STK33: variants seen among roughly 807,000 people sequenced by gnomAD.
STK33 encodes the protein serine/threonine kinase 33.
Under a neutral mutation model 58.0 loss-of-function variants are expected in STK33, and 52 were observed. The ratio of observed to expected loss-of-function variants is 0.90; its 90% CI spans 0.72 to 1.13. The LOEUF (loss-of-function observed/expected upper bound fraction) is 1.13, where lower values mean the gene tolerates loss of function less well. Among genes scored for constraint, STK33 ranks in the 50% most tolerant of loss-of-function variants. The pLI, the probability that STK33 is intolerant of heterozygous loss-of-function variation, is 0.00. For synonymous variants in STK33, 215 were observed against 200.1 expected, an observed-to-expected ratio of 1.07 and a Z score of -0.63; for missense variants, 630 against 604.2, an observed-to-expected ratio of 1.04 and a Z score of -0.45.
intron 14 of STK33, among the ~76,000 whole-genome samples, chr11:8,420,672 A>T (rs1360573388): frequency 1.3e-5 from 2 of 152,182 alleles, no homozygotes; most frequent in Non-Finnish European, 2.9e-5. Context: ...TTTGTTTTGT[A>T]TATATTTTTT....
chr11:8,362,368 G>A, the STK33 span, among the ~76,000 whole-genome samples: 1 of 152,144 alleles, frequency 6.6e-6, no homozygotes, highest in Non-Finnish European at 1.5e-5. Flanking sequence ...TTTGGCGCCC[G>A]GAATGCTCCA....
chr11:8,528,315 T>C (rs971284245), intron 1 of STK33, among the ~76,000 whole-genome samples: 3 of 152,224 alleles, frequency 2.0e-5, no homozygotes, highest in African/African-American at 7.2e-5. Context: ...TCCTTCACCA[T>C]TATCCTCATA....
At chr11:8,431,020 C>T (rs924076962) in intron 14 of STK33, among the ~76,000 whole-genome samples, 1 of 152,036 alleles carries the variant, frequency 6.6e-6, no homozygotes, top group African/African-American at 2.4e-5. Flanking sequence ...GCACCCGCCA[C>T]CACGCCTGGC....
chr11:8,430,496 CA>C lies in STK33; in HGVS notation c.1146+4997del, dbSNP rs534698091. The stretch of plus-strand genomic sequence containing the variant: ...ACTAACACTAATGACAGCTGAAGAG[CA>C]AAAAAAAAGAAAAATAATAATAATA... On this transcript the variant is annotated intron_variant, in intron 14 of 15. Coordinates refer to ENST00000687296, the MANE Select transcript of STK33 (RefSeq NM_001352389.2). 3.6e-3 allele frequency among the ~76,000 whole-genome samples: 529 copies of C among 147,694 alleles called. 5 individuals are homozygous for C. Among genetic ancestry groups the C allele is most frequent in the African/African-American group, 0.013 (504 of 40,218 alleles).
intron 10 of STK33, among the ~76,000 whole-genome samples, chr11:8,454,050 CAT>C (rs1946579949): frequency 1.3e-5 from 2 of 152,202 alleles, no homozygotes; most frequent in African/African-American, 4.8e-5. Context: ...TTCTTGCCTT[CAT>C]AGAGTTTACA....
chr11:8,550,733 G>A (rs1208988278), intron 1 of STK33, among the ~76,000 whole-genome samples: 1 of 152,142 alleles, frequency 6.6e-6, no homozygotes, highest in Non-Finnish European at 1.5e-5. Context: ...ACCTCAGCCT[G>A]GGCTTTGTTG....
intron 8 of STK33, among the ~76,000 whole-genome samples, chr11:8,461,100 C>A (rs1947465237): frequency 6.6e-6 from 1 of 152,196 alleles, no homozygotes; most frequent in Non-Finnish European, 1.5e-5. Context: ...TATGGGCAAG[C>A]TGAATAACTT....
At chr11:8,534,566 CTCTGTGTG>C (rs1315605995) in intron 1 of STK33, among the ~76,000 whole-genome samples, 67 of 106,472 alleles carry the variant, frequency 6.3e-4, no homozygotes, top group African/African-American at 2.6e-3. Flanking sequence ...CTCTCTCTCT[CTCTGTGTG>C]TGTGTGTGTG....
At chr11:8,448,604 C>T in intron 11 of STK33, among the ~76,000 whole-genome samples, 1 of 152,130 alleles carries the variant, frequency 6.6e-6, no homozygotes, top group Non-Finnish European at 1.5e-5. Context: ...AACTGGATCC[C>T]TTCCTTACAC....
chr11:8,427,612 A>G (rs1021778862), intron 14 of STK33, among the ~76,000 whole-genome samples: 5 of 151,884 alleles, frequency 3.3e-5, no homozygotes, highest in African/African-American at 4.8e-5. Context: ...TTTTAACCCC[A>G]TATATCTTTT....
intron 14 of STK33, among the ~76,000 whole-genome samples, chr11:8,420,246 A>G (rs1246580508): frequency 1.3e-5 from 2 of 152,222 alleles, no homozygotes; most frequent in Non-Finnish European, 2.9e-5. Flanking sequence ...AGTGTTTCAG[A>G]GTCCAAGGCA....
chr11:8,483,808 G>A (rs1485345999), intron 1 of STK33, among the ~76,000 whole-genome samples: 1 of 152,180 alleles, frequency 6.6e-6, no homozygotes, highest in Admixed American at 6.5e-5. Context: ...TATTTCTAAT[G>A]AGTGCCAAAA....
intron 1 of STK33, among the ~76,000 whole-genome samples, chr11:8,557,285 G>GA (rs1305293860): frequency 4.8e-4 from 23 of 47,662 alleles, no homozygotes; most frequent in Admixed American, 9.2e-4. Context: ...GGGAGGGGAG[G>GA]GGAGGAGAGA....
the STK33 span, among the ~76,000 whole-genome samples, chr11:8,343,368 G>C: frequency 6.6e-6 from 1 of 152,228 alleles, no homozygotes. Flanking sequence ...TGGTGGGGAA[G>C]GGTCTCCCTT....
intron 1 of STK33, among the ~76,000 whole-genome samples, chr11:8,503,325 G>A (rs1951649820): frequency 6.6e-6 from 1 of 152,044 alleles, no homozygotes; most frequent in Non-Finnish European, 1.5e-5. Context: ...TAGCAACATA[G>A]ATGGATTGGA....
chr11:8,536,478 A>G (rs1021150916), intron 1 of STK33, among the ~76,000 whole-genome samples: 5 of 152,236 alleles, frequency 3.3e-5, no homozygotes, highest in African/African-American at 4.8e-5. Flanking sequence ...AATGGAAGGA[A>G]CAGGCTGATA....
intron 14 of STK33, among the ~76,000 whole-genome samples, chr11:8,427,515 T>C (rs532187550): frequency 2.0e-4 from 30 of 152,290 alleles, no homozygotes; most frequent in African/African-American, 7.2e-4. Context: ...GATGAATTTA[T>C]CCCCATTATT....
rs201385104 is a variant in STK33 at position 8,439,064 on chromosome 11, G to C, written c.947+1614C>G. Among the ~76,000 whole-genome samples the C allele has an allele frequency of 3.9e-5, 6 of 152,288 alleles. No homozygotes were observed. The East Asian group carries it at 1.2e-3, about 29-fold the overall frequency. On this transcript the variant is annotated intron_variant, in intron 12 of 15. Coordinates refer to ENST00000687296, the MANE Select transcript of STK33 (RefSeq NM_001352389.2). ...AATGATCTGGAAGAGGCAGTGCATA[G>C]TGAAATCTTCAATATGACCATAAAA...
At chr11:8,430,443 G>T (rs1252798507) in intron 14 of STK33, among the ~76,000 whole-genome samples, 11 of 151,970 alleles carry the variant, frequency 7.2e-5, no homozygotes, top group Non-Finnish European at 1.5e-4. Flanking sequence ...ACTGGAAGAA[G>T]AATTGTCTTA....
Sources: allele counts gnomAD v4.1 joint callset (sites outside exome capture counted in the v4.1 genomes callset), GRCh38; gene constraint gnomAD v4.1.1; transcripts MANE v1.5; gene names NCBI Gene and HGNC (gene_info 2026-07-23, HGNC 2026-07-21).